NUGGC: variants seen among roughly 807,000 people sequenced by gnomAD.
The protein encoded by NUGGC is nuclear GTPase SLIP-GC.
NUGGC carries 58 observed loss-of-function variants against 92.6 expected under a neutral mutation model. The observed-to-expected ratio is 0.63, with a 90% CI of 0.51 to 0.78. The LOEUF is 0.78. Ranked by LOEUF, NUGGC falls within the 30% of genes least tolerant of loss-of-function variation. The pLI is 0.00. For synonymous variants in NUGGC, 376 were observed against 366.4 expected, an observed-to-expected ratio of 1.03 and a Z score of -0.30; for missense variants, 925 against 964.6, an observed-to-expected ratio of 0.96 and a Z score of 0.54.
chr8:28,068,457 G>A lies in NUGGC; in HGVS notation c.258-19C>T. 1.4e-6 allele frequency: 2 copies of A among 1,476,734 alleles called. No homozygotes were observed. Among genetic ancestry groups the A allele is most frequent in the South Asian group, 1.2e-5 (1 of 82,642 alleles). 91.5% of individuals were successfully genotyped at this position (1,476,734 alleles called of 1,614,324 possible). On this transcript the variant is annotated intron_variant, in intron 4 of 18. Coordinates refer to ENST00000413272, the MANE Select transcript of NUGGC (RefSeq NM_001010906.2). ...CCTATTTCTGGATGAATTTTAAAATGCACATTGCCATGATCATCAAAGTTT... is the reference window on the plus strand; with the variant it reads ...CCTATTTCTGGATGAATTTTAAAATACACATTGCCATGATCATCAAAGTTT...
intron 12 of NUGGC, among the ~76,000 whole-genome samples, chr8:28,044,648 T>A (rs1394286031): frequency 6.6e-6 from 1 of 152,222 alleles, no homozygotes; most frequent in Admixed American, 6.5e-5. Flanking sequence ...TACAGAGTTA[T>A]TCTTTAGCCT....
chr8:28,057,821 G>A (rs1276481772), intron 9 of NUGGC, among the ~76,000 whole-genome samples: 1 of 152,174 alleles, frequency 6.6e-6, no homozygotes, highest in Admixed American at 6.6e-5. Context: ...TTTCAATTGA[G>A]CAGGGAGTTG....
In NUGGC at chr8:28,058,468, C is replaced by T. The variant is rs139656157; in HGVS notation, c.1098-192G>A. Among the ~76,000 whole-genome samples the T allele has an allele frequency of 1.3e-3, 202 of 152,258 alleles. 2 individuals are homozygous for T. Among genetic ancestry groups the T allele is most frequent in the East Asian group, 9.7e-4 (5 of 5,166 alleles). On this transcript the variant is annotated intron_variant, in intron 8 of 18. Coordinates refer to ENST00000413272, the MANE Select transcript of NUGGC (RefSeq NM_001010906.2). Reference sequence around the variant, plus strand: ...TGAAAAAAGTGCCTTCATTTCTCAACGGCCAGCCAGCGTTTTGTCAGCTGT... The same window carrying T: ...TGAAAAAAGTGCCTTCATTTCTCAATGGCCAGCCAGCGTTTTGTCAGCTGT...
At chr8:28,080,686 G>T (rs1810829125) in intron 1 of NUGGC, among the ~76,000 whole-genome samples, 1 of 152,040 alleles carries the variant, frequency 6.6e-6, no homozygotes, top group Admixed American at 6.5e-5. Context: ...ATATATCTTA[G>T]ATGGTAAGAT....
intron 1 of NUGGC, among the ~76,000 whole-genome samples, chr8:28,075,696 C>T (rs937354291): frequency 6.6e-6 from 1 of 152,138 alleles, no homozygotes; most frequent in Non-Finnish European, 1.5e-5. Flanking sequence ...ACACATTAAC[C>T]CCAAATTAAA....
Position 28,031,380 on chromosome 8 carries a change from T to A in NUGGC, c.1771A>T (p.Thr591Ser), listed in dbSNP as rs773772348. ...AGAGCTGAACCAGTGGGCTTCCCCG[T>A]CCTACGGAAGAAAGTGACAAAAAAG... is the stretch of plus-strand genomic sequence containing the variant. ...IDPVFGSIFR[T>S]GKPTGSALMP... is the part of the protein sequence containing the mutation. The change falls in exon 15 of 19, where the codon ACG (threonine) becomes TCG (serine). Residue 591 changes from threonine (T) to serine (S), a missense_variant and splice_region_variant. By Grantham distance (58) the Thr-to-Ser change is moderately conservative (BLOSUM62 1). Coordinates refer to ENST00000413272, the MANE Select transcript of NUGGC (RefSeq NM_001010906.2). The A allele has an allele frequency of 9.3e-6, 15 of 1,613,150 alleles. 1 individual carries two copies. In the South Asian group the frequency reaches 1.4e-4, roughly 15 times the overall value.
chr8:28,038,862 C>G (rs1809621834), intron 13 of NUGGC, among the ~76,000 whole-genome samples: 2 of 152,074 alleles, frequency 1.3e-5, no homozygotes, highest in South Asian at 4.2e-4. Flanking sequence ...GGTATTTAGT[C>G]TCTCTAAGGC....
intron 12 of NUGGC, among the ~76,000 whole-genome samples, chr8:28,043,573 C>T (rs376100688): frequency 1.3e-5 from 2 of 152,198 alleles, no homozygotes; most frequent in East Asian, 1.9e-4. Flanking sequence ...TGCAGAATTG[C>T]CAGTCAGCCC....
chr8:28,077,958 G>C (rs933276910), intron 1 of NUGGC, among the ~76,000 whole-genome samples: 1 of 152,206 alleles, frequency 6.6e-6, no homozygotes, highest in African/African-American at 2.4e-5. Flanking sequence ...CTGAATTCTG[G>C]AATACGGGTA....
chr8:28,050,108 G>A (rs370730594), intron 10 of NUGGC, among the ~76,000 whole-genome samples: 61 of 149,914 alleles, frequency 4.1e-4, no homozygotes, highest in African/African-American at 1.3e-3. Flanking sequence ...ATAAAAGGCC[G>A]GGCACGGTGG....
chr8:28,047,986 T>C (rs1426262956), intron 10 of NUGGC, among the ~76,000 whole-genome samples: 1 of 152,234 alleles, frequency 6.6e-6, no homozygotes, highest in Non-Finnish European at 1.5e-5. Context: ...AGCCAGCTCG[T>C]ACCAGCTCCT....
rs190611400 is a variant in NUGGC at position 28,040,847 on chromosome 8, A to G, written c.1611+204T>C. Among the ~76,000 whole-genome samples, 357 of 152,208 alleles carry G rather than the reference A, an allele frequency of 2.3e-3. 2 individuals are homozygous for G. Among genetic ancestry groups the G allele is most frequent in the Non-Finnish European group, 4.2e-3 (284 of 67,992 alleles). On this transcript the variant is annotated intron_variant, in intron 13 of 18. Transcript: ENST00000413272. ...TTTTTAGTAGAGACGGGGTTTCACCATGTTGGCCAGGATGGTCTTGATCTC... is the reference window on the plus strand; with the variant it reads ...TTTTTAGTAGAGACGGGGTTTCACCGTGTTGGCCAGGATGGTCTTGATCTC...
At chr8:28,074,491 C>T (rs1454155661) in intron 1 of NUGGC, 35 bp from the exon 2 acceptor site, 29 of 1,473,126 alleles carry the variant, frequency 2.0e-5, no homozygotes, top group East Asian at 6.9e-5. Flanking sequence ...GGTGGGGCAG[C>T]GGAATTTGAA....
chr8:28,032,201 T>C (rs980773297), intron 14 of NUGGC, among the ~76,000 whole-genome samples: 3 of 151,984 alleles, frequency 2.0e-5, no homozygotes, highest in African/African-American at 4.8e-5. Context: ...CCCACAGAAT[T>C]GTAAACAGGG....
At position 28,040,931 on chromosome 8, in the gene NUGGC, C is replaced by T. The variant is rs574316928; in HGVS notation, c.1611+120G>A. The T allele has an allele frequency of 4.0e-5, 39 of 983,900 alleles. No individual in the cohort carries two copies. In the South Asian group the frequency reaches 5.0e-4, roughly 13 times the overall value. The allele number at this position is 983,900 out of a possible 1,614,324, so 60.9% of individuals were successfully genotyped here. ...AAGTGCTGGGATTACAGGCATGAGC[C>T]GCCATGCCCGGCCCGCTAACTCTTT... On this transcript the variant is annotated intron_variant, in intron 13 of 18. Coordinates refer to ENST00000413272, the MANE Select transcript of NUGGC (RefSeq NM_001010906.2).
intron 2 of NUGGC, among the ~76,000 whole-genome samples, chr8:28,073,984 A>G (rs1810656271): frequency 6.6e-6 from 1 of 151,964 alleles, no homozygotes; most frequent in South Asian, 2.1e-4. Context: ...TTTTTAGTAG[A>G]GATGGGATTT....
intron 14 of NUGGC, among the ~76,000 whole-genome samples, chr8:28,032,075 G>C (rs1291872814): frequency 6.6e-6 from 1 of 152,226 alleles, no homozygotes; most frequent in East Asian, 1.9e-4. Context: ...TTTGCCACCT[G>C]CTGGGTGGGC....
intron 1 of NUGGC, among the ~76,000 whole-genome samples, chr8:28,075,521 G>C (rs548501091): frequency 3.7e-4 from 56 of 152,222 alleles, no homozygotes; most frequent in African/African-American, 1.3e-3. Flanking sequence ...ACACGAGTGG[G>C]GAACACCCAA....
At chr8:28,076,055 C>A (rs895441911) in intron 1 of NUGGC, among the ~76,000 whole-genome samples, 2 of 152,210 alleles carry the variant, frequency 1.3e-5, no homozygotes, top group Non-Finnish European at 2.9e-5. Flanking sequence ...ACTCATTCCC[C>A]CCGTGTGTCC....
Sources: allele counts gnomAD v4.1 joint callset (sites outside exome capture counted in the v4.1 genomes callset), GRCh38; gene constraint gnomAD v4.1.1; transcripts MANE v1.5; gene names NCBI Gene and HGNC (gene_info 2026-07-23, HGNC 2026-07-21).